The following SHC3 variants were observed in gnomAD, a reference collection of about 807,000 sequenced individuals.
SHC3 encodes SHC adaptor protein 3.
A neutral mutation model predicts 60.4 loss-of-function variants in SHC3; 15 were observed. The observed-to-expected ratio is 0.25, with a 90% CI of 0.17 to 0.38. SHC3 has a LOEUF of 0.38. Ranked by LOEUF, SHC3 falls within the 10% of genes least tolerant of loss-of-function variation. The pLI is 1.00. For missense variants in SHC3, 677 were observed against 786.1 expected (o/e 0.86, Z 1.66); for synonymous variants, 294 against 325.9 (o/e 0.90, Z 1.05).
At chr9:89,150,919 G>T (rs189551390) in intron 1 of SHC3, among the ~76,000 whole-genome samples, 3 of 151,666 alleles carry the variant, frequency 2.0e-5, no homozygotes, top group African/African-American at 7.3e-5. Context: ...TACCCTAAAG[G>T]GTATAAAGTG....
chr9:89,063,714 C>A (rs1228206531), intron 6 of SHC3, among the ~76,000 whole-genome samples: 1 of 152,244 alleles, frequency 6.6e-6, no homozygotes, highest in African/African-American at 2.4e-5. Context: ...CCTGTCGATG[C>A]CACTTGGGCA....
At chr9:89,128,861 G>A (rs1336501848) in intron 1 of SHC3, among the ~76,000 whole-genome samples, 1 of 152,176 alleles carries the variant, frequency 6.6e-6, no homozygotes, top group Non-Finnish European at 1.5e-5. Context: ...CCAAAGGAAC[G>A]CAGCTCCTCA....
intron 6 of SHC3, among the ~76,000 whole-genome samples, chr9:89,053,344 G>A (rs896471990): frequency 2.2e-4 from 34 of 152,222 alleles, no homozygotes; most frequent in African/African-American, 7.0e-4. Flanking sequence ...AGTGATTAGG[G>A]AGACACTGAA....
chr9:89,028,513 TATCTATATA>T, intron 11 of SHC3, among the ~76,000 whole-genome samples: 1 of 145,092 alleles, frequency 6.9e-6, no homozygotes, highest in South Asian at 2.2e-4. Context: ...ATATAGATTA[TATCTATATA>T]GATATAGATT....
intron 2 of SHC3, among the ~76,000 whole-genome samples, chr9:89,084,224 T>A (rs1021430952): frequency 6.6e-6 from 1 of 152,216 alleles, no homozygotes; most frequent in African/African-American, 2.4e-5. Context: ...TGTGCCATTA[T>A]AATCCCAGCA....
Position 89,013,504 on chromosome 9 carries a change from G to A in SHC3, c.1728C>T (p.Pro576=), listed in dbSNP as rs941550512. ...ACAGCTCACTCCCTGCAGAGACAAT[G>A]GGCAGGCTGCTTTCTAGGTGGTGGT... ...LINHHLESSL[P]IVSAGSELCL... is the part of the protein sequence containing the mutation. Residue 576 remains proline (P), a synonymous_variant, in exon 12 of 12, where the codon CCC becomes CCT. Transcript: ENST00000375835. 17 of 1,614,066 alleles carry A rather than the reference G, an allele frequency of 1.1e-5. No homozygotes were observed. The highest frequency in any genetic ancestry group is 1.1e-5 in the Non-Finnish European group (13 of 1,179,968).
intron 11 of SHC3, among the ~76,000 whole-genome samples, chr9:89,027,697 A>T (rs1043540948): frequency 6.6e-6 from 1 of 152,210 alleles, no homozygotes; most frequent in Non-Finnish European, 1.5e-5. Flanking sequence ...ACCCAGAAAA[A>T]GGACAGTGCA....
Position 89,020,294 on chromosome 9 carries a change from G to T in SHC3, c.1657-6719C>A, listed in dbSNP as rs143961326. The stretch of plus-strand genomic sequence containing the variant: ...AAGGTGGAAGATAGGAAGGGTGGGG[G>T]TGAGAGGTGAAGGTGGAGGGTGAGA... On this transcript the variant is annotated intron_variant, in intron 11 of 11. Coordinates refer to ENST00000375835, the MANE Select transcript of SHC3 (RefSeq NM_016848.6). Among the ~76,000 whole-genome samples the T allele has an allele frequency of 4.4e-3, 668 of 151,918 alleles. 1 individual carries two copies. The highest frequency in any genetic ancestry group is 0.015 in the African/African-American group (626 of 41,382).
intron 11 of SHC3, chr9:89,037,227 G>T (rs923330106): frequency 1.7e-5 from 7 of 417,246 alleles, no homozygotes; most frequent in Admixed American, 1.2e-4. Context: ...CAGTCCAACT[G>T]AGACAAAGGC....
At chr9:89,090,984 C>T (rs981363382) in intron 2 of SHC3, among the ~76,000 whole-genome samples, 14 of 152,046 alleles carry the variant, frequency 9.2e-5, no homozygotes, top group Non-Finnish European at 1.8e-4. Context: ...ATATAGCCTG[C>T]GTGAAGAAAA....
intron 9 of SHC3, among the ~76,000 whole-genome samples, chr9:89,044,784 G>A (rs1824743757): frequency 6.6e-6 from 1 of 152,154 alleles, no homozygotes. Flanking sequence ...AAATATATTT[G>A]AATTATTTGC....
chr9:89,110,164 T>C, intron 2 of SHC3: 6 of 985,432 alleles, frequency 6.1e-6, no homozygotes, highest in Non-Finnish European at 7.2e-6. Flanking sequence ...TACATATTCC[T>C]GGGGAGTTTT....
chr9:89,075,028 T>C (rs1275478697), intron 4 of SHC3, 81 bp downstream of exon 4: 1 of 1,544,062 alleles, frequency 6.5e-7, no homozygotes, highest in Non-Finnish European at 8.7e-7. Flanking sequence ...GTGAGCTCAG[T>C]AAAGCTGCAA....
intron 11 of SHC3, among the ~76,000 whole-genome samples, chr9:89,028,855 T>C (rs1824421082): frequency 6.8e-6 from 1 of 147,532 alleles, no homozygotes; most frequent in Admixed American, 6.8e-5. Flanking sequence ...TGTAAATATA[T>C]CTATATATAG....
chr9:89,035,171 C>T (rs1431106679), intron 11 of SHC3, among the ~76,000 whole-genome samples: 1 of 152,174 alleles, frequency 6.6e-6, no homozygotes, highest in African/African-American at 2.4e-5. Flanking sequence ...GTCCCACCTT[C>T]CTCTCTCAAA....
chr9:89,097,130 A>C (rs1825716274), intron 2 of SHC3, among the ~76,000 whole-genome samples: 1 of 143,520 alleles, frequency 7.0e-6, no homozygotes, highest in Non-Finnish European at 1.5e-5. Flanking sequence ...AAAAAAAAAA[A>C]AAAACAAGGC....
chr9:89,105,054 C>T (rs536653972), intron 2 of SHC3, among the ~76,000 whole-genome samples: 1 of 152,254 alleles, frequency 6.6e-6, no homozygotes, highest in South Asian at 2.1e-4. Context: ...CCCACTGCAT[C>T]CCAGCCGACT....
intron 2 of SHC3, among the ~76,000 whole-genome samples, chr9:89,083,856 G>A (rs1041753356): frequency 9.9e-5 from 15 of 152,150 alleles, no homozygotes; most frequent in African/African-American, 3.6e-4. Context: ...GACAGAGCTG[G>A]GAGGCTGCCA....
chr9:89,047,069 C>A lies in SHC3; in HGVS notation c.963-75G>T, dbSNP rs112629985. 23 of 1,425,652 alleles carry A rather than the reference C, an allele frequency of 1.6e-5. No individual in the cohort carries two copies. In the African/African-American group the frequency reaches 2.0e-4, roughly 12 times the overall value. The allele number at this position is 1,425,652 out of a possible 1,614,324, so 88.3% of individuals were successfully genotyped here. A position where few individuals can be genotyped will look rare whatever the true frequency, so the allele number is the denominator to read the frequency against. ...CCAAAATCAACAAATCTAATGTTAG[C>A]GCCTGTTATTAAGAAAAGAGAGTTT... On this transcript the variant is annotated intron_variant, in intron 7 of 11. Transcript: ENST00000375835.
Sources: allele counts gnomAD v4.1 joint callset (sites outside exome capture counted in the v4.1 genomes callset), GRCh38; gene constraint gnomAD v4.1.1; transcripts MANE v1.5; gene names NCBI Gene and HGNC (gene_info 2026-07-23, HGNC 2026-07-21).